RAPGEF5: variants seen among roughly 807,000 people sequenced by gnomAD.
The protein encoded by RAPGEF5 is Rap guanine nucleotide exchange factor 5.
A neutral mutation model predicts 125.2 loss-of-function variants in RAPGEF5; 65 were observed. That is an observed-to-expected ratio of 0.52 (90% CI 0.43 to 0.64). The LOEUF (loss-of-function observed/expected upper bound fraction) is 0.64. RAPGEF5 is among the 30% of genes least tolerant of loss of function. The pLI, the probability that RAPGEF5 is intolerant of heterozygous loss-of-function variation, is 0.00. For synonymous variants in RAPGEF5, 391 were observed against 385.9 expected, an observed-to-expected ratio of 1.01 and a Z score of -0.16; for missense variants, 958 against 1,048.1, an observed-to-expected ratio of 0.91 and a Z score of 1.19.
intron 11 of RAPGEF5, among the ~76,000 whole-genome samples, chr7:22,186,337 A>G (rs1341646979): frequency 1.3e-5 from 2 of 152,156 alleles, no homozygotes; most frequent in African/African-American, 4.8e-5. Flanking sequence ...AATTAAGTGT[A>G]TTTCTTTTGA....
At chr7:22,233,505 G>C (rs2128135003) in intron 7 of RAPGEF5, among the ~76,000 whole-genome samples, 1 of 152,190 alleles carries the variant, frequency 6.6e-6, no homozygotes, top group Middle Eastern at 3.4e-3. Context: ...AGAACATGCA[G>C]GACACTAAAT....
At chr7:22,315,569 T>A (rs200253585) in intron 2 of RAPGEF5, 93 bp from the exon 3 acceptor site, 29 of 462,628 alleles carry the variant, frequency 6.3e-5, no homozygotes, top group East Asian at 2.3e-4. Context: ...ATATATATAT[T>A]TATATATATT....
Position 22,182,834 on chromosome 7 carries a change from G to GA in RAPGEF5, c.1204+10532dup, listed in dbSNP as rs532214833. Among the ~76,000 whole-genome samples, 99 of 152,210 alleles carry GA rather than the reference G, an allele frequency of 6.5e-4. 4 individuals carry two copies. In the South Asian group the frequency reaches 0.02, roughly 31 times the overall value. ...ATCTGTCTCAAATTTATTTTTATGA[G>GA]AAAAAACAAGTTATATTGAGGATTT... On this transcript the variant is annotated intron_variant, in intron 11 of 25. Coordinates refer to ENST00000665637, the MANE Select transcript of RAPGEF5 (RefSeq NM_012294.5).
chr7:22,318,016 T>G lies in RAPGEF5; in HGVS notation c.253A>C (p.Asn85His). ...GGRTLSRRIS[N>H]PYLEHTPSQI... ...GAAGGCGTATGTTCAAGGTACGGAT[T>G]AGATATTCTTCTTGATAGAGTCTAT... Residue 85 changes from asparagine (N) to histidine (H), a missense_variant, in exon 2 of 26, where the codon AAT becomes CAT. Transcript: ENST00000665637. 1 of 1,545,416 alleles carries G rather than the reference T, an allele frequency of 6.5e-7. No individual in the cohort carries two copies. Among genetic ancestry groups the G allele is most frequent in the South Asian group, 1.2e-5 (1 of 82,302 alleles).
At chr7:22,243,794 C>G (rs1243491387) in intron 7 of RAPGEF5, among the ~76,000 whole-genome samples, 2 of 152,106 alleles carry the variant, frequency 1.3e-5, no homozygotes, top group African/African-American at 4.8e-5. Context: ...CATTGAGAAT[C>G]TATTCTTTTA....
At chr7:22,354,294 G>C (rs1784382121) in intron 1 of RAPGEF5, among the ~76,000 whole-genome samples, 1 of 152,120 alleles carries the variant, frequency 6.6e-6, no homozygotes, top group Admixed American at 6.5e-5. Context: ...ACAAAGCTGT[G>C]TCTTTACTAG....
At chr7:22,217,570 T>C (rs1017062331) in intron 9 of RAPGEF5, among the ~76,000 whole-genome samples, 2 of 152,170 alleles carry the variant, frequency 1.3e-5, no homozygotes, top group African/African-American at 4.8e-5. Flanking sequence ...ACTACATCAA[T>C]ATCAGCCTTG....
At chr7:22,282,119 C>T (rs1782686002) in intron 6 of RAPGEF5, among the ~76,000 whole-genome samples, 3 of 152,114 alleles carry the variant, frequency 2.0e-5, no homozygotes, top group Admixed American at 2.0e-4. Flanking sequence ...CCCCCCTCTC[C>T]AGCGGACCTA....
rs1448861052 is a variant in RAPGEF5, at chr7:22,193,381, T to C, written c.1190A>G (p.Gln397Arg). 1.3e-6 allele frequency: 2 copies of C among 1,589,624 alleles called. No individual in the cohort carries two copies. The highest frequency in any genetic ancestry group is 1.2e-5 in the South Asian group (1 of 86,776). The stretch of plus-strand genomic sequence containing the variant: ...CAGAGCCTTACCTGTTTCTTTGTCC[T>C]GGACTTCTTCCAGGTGCAAGTCATT... ...LLNDLHLEEVQDKETETLLDD... is the reference protein window; with the variant it reads ...LLNDLHLEEVRDKETETLLDD... Residue 397 changes from glutamine (Q) to arginine (R), a missense_variant, in exon 11 of 26, where the codon CAG (glutamine) becomes CGG (arginine). Physicochemically the swap from Gln to Arg is conservative, Grantham distance 43. Coordinates refer to ENST00000665637, the MANE Select transcript of RAPGEF5 (RefSeq NM_012294.5).
intron 5 of RAPGEF5, among the ~76,000 whole-genome samples, chr7:22,304,942 C>T (rs1783300936): frequency 6.6e-6 from 1 of 152,184 alleles, no homozygotes; most frequent in African/African-American, 2.4e-5. Context: ...TTATAGACAG[C>T]AGTGATGGGA....
At chr7:22,248,808 C>A (rs923276618) in intron 7 of RAPGEF5, among the ~76,000 whole-genome samples, 1 of 152,110 alleles carries the variant, frequency 6.6e-6, no homozygotes, top group Non-Finnish European at 1.5e-5. Context: ...TACTAAAAAT[C>A]AAAGTGAAGA....
chr7:22,250,366 A>T (rs1786589075), intron 7 of RAPGEF5, among the ~76,000 whole-genome samples: 1 of 152,246 alleles, frequency 6.6e-6, no homozygotes, highest in Non-Finnish European at 1.5e-5. Context: ...ATGAGTGAAA[A>T]GAATAGTATA....
chr7:22,271,224 T>C (rs1782409801), intron 6 of RAPGEF5, among the ~76,000 whole-genome samples: 1 of 152,194 alleles, frequency 6.6e-6, no homozygotes, highest in African/African-American at 2.4e-5. Context: ...AATCAGAATC[T>C]CGGGATTGAA....
At chr7:22,183,003 T>G (rs549877570) in intron 11 of RAPGEF5, among the ~76,000 whole-genome samples, 1 of 152,310 alleles carries the variant, frequency 6.6e-6, no homozygotes, top group South Asian at 2.1e-4. Flanking sequence ...CTGGGAGCAG[T>G]GGCTCACGCC....
chr7:22,273,772 G>A (rs1310633416), intron 6 of RAPGEF5, among the ~76,000 whole-genome samples: 1 of 152,138 alleles, frequency 6.6e-6, no homozygotes, highest in Non-Finnish European at 1.5e-5. Context: ...TTGAGTTAAT[G>A]GGAGTTGGAT....
chr7:22,169,739 A>AATCCCAGC (rs1279915137), intron 11 of RAPGEF5, among the ~76,000 whole-genome samples: 1 of 151,048 alleles, frequency 6.6e-6, no homozygotes, highest in African/African-American at 2.4e-5. Context: ...ATATGCCTAT[A>AATCCCAGC]ATCCCAGCTA....
intron 6 of RAPGEF5, among the ~76,000 whole-genome samples, chr7:22,271,723 A>G (rs1198562210): frequency 2.0e-5 from 3 of 152,248 alleles, no homozygotes; most frequent in East Asian, 1.9e-4. Flanking sequence ...TACCCAACAG[A>G]AACTAGAGTC....
chr7:22,356,741 C>T, intron 1 of RAPGEF5, 89 bp downstream of exon 1: 1 of 698,906 alleles, frequency 1.4e-6, no homozygotes, highest in Non-Finnish European at 1.8e-6. Context: ...TCCCCAACTT[C>T]CAGACGCCCC....
chr7:22,347,138 G>T (rs1784238176), intron 1 of RAPGEF5, among the ~76,000 whole-genome samples: 1 of 151,690 alleles, frequency 6.6e-6, no homozygotes, highest in East Asian at 1.9e-4. Context: ...TTAACCCCCT[G>T]CCCCCACTTA....
Sources: gnomAD v4.1 joint callset for allele counts (sites outside exome capture counted in the v4.1 genomes callset) on GRCh38, gnomAD v4.1.1 for gene constraint, MANE v1.5 for transcripts, NCBI Gene and HGNC (gene_info 2026-07-23, HGNC 2026-07-21) for gene names.